The following CHRNA2 variants were observed in gnomAD, a reference collection of about 807,000 sequenced individuals.
The protein encoded by CHRNA2 is cholinergic receptor nicotinic alpha 2 subunit.
Under a neutral mutation model 45.5 loss-of-function variants are expected in CHRNA2, and 40 were observed. That is an observed-to-expected ratio of 0.88 (90% confidence interval 0.68 to 1.15). The LOEUF is 1.15. CHRNA2 is among the 50% of genes most tolerant of loss of function. CHRNA2 has a pLI of 0.00. For synonymous variants in CHRNA2, 301 were observed against 296.7 expected, an observed-to-expected ratio of 1.01 and a Z score of -0.15; for missense variants, 655 against 701.7, an observed-to-expected ratio of 0.93 and a Z score of 0.75.
In CHRNA2 at chr8:27,463,070, C is replaced by T; in HGVS notation, c.1373G>A (p.Gly458Asp). 6.2e-7 allele frequency: 1 copy of T among 1,613,020 alleles called. No individual in the cohort carries two copies. The highest frequency in any genetic ancestry group is 8.5e-7 in the Non-Finnish European group (1 of 1,179,074). Residue 458 changes from glycine to aspartate, a missense_variant, in exon 6 of 7, where the codon GGT (glycine) becomes GAT (aspartate). Gly to Asp is a moderately conservative substitution (Grantham distance 94). Around this residue, in one of 3 missense-constraint regions of CHRNA2, gnomAD observed 295 missense variants for 280.4 expected, o/e 1.05. Coordinates refer to ENST00000407991, the MANE Select transcript of CHRNA2 (RefSeq NM_000742.4). The surrounding 1 kb of genome is among the most constrained non-coding windows in gnomAD (Gnocchi z 6.1). ...CATGTGGGGTGATAGCAGCAGCTCA[C>T]CCTCCTGCAGCAGAGCCTCAGCCTT... Reference protein sequence around the residue: ...GPKAEALLQEGELLLSPHMQK... With the variant: ...GPKAEALLQEDELLLSPHMQK...
intron 4 of CHRNA2, 58 bp from the exon 5 acceptor site, chr8:27,467,396 G>A (rs1272232632): frequency 1.5e-6 from 2 of 1,361,716 alleles, no homozygotes; most frequent in African/African-American, 2.9e-5. Flanking sequence ...CTAGGGCAAA[G>A]CTAGCACACC....
intron 1 of CHRNA2, among the ~76,000 whole-genome samples, chr8:27,477,972 C>T (rs1268197771): frequency 6.6e-6 from 1 of 152,152 alleles, no homozygotes. Flanking sequence ...ATCCTGGTTC[C>T]GTGGAGGTCA....
At chr8:27,466,316 G>A (rs117531183) in intron 5 of CHRNA2, among the ~76,000 whole-genome samples, 2,041 of 152,268 alleles carry the variant, frequency 0.013, 20 homozygotes, top group Non-Finnish European at 0.02. Flanking sequence ...TTTAAAGATA[G>A]CATTTCCAAA....
chr8:27,476,418 T>C (rs1166725634), intron 1 of CHRNA2, among the ~76,000 whole-genome samples: 2 of 152,220 alleles, frequency 1.3e-5, no homozygotes, highest in African/African-American at 4.8e-5. Context: ...TCCTCGAGTC[T>C]GAATCTGCAT....
chr8:27,478,570 C>G (rs1027464738), intron 1 of CHRNA2, among the ~76,000 whole-genome samples: 1 of 152,316 alleles, frequency 6.6e-6, no homozygotes, highest in South Asian at 2.1e-4. Flanking sequence ...GGAGCAGATA[C>G]AGTGTAACAA....
chr8:27,474,237 G>A (rs542553195), intron 1 of CHRNA2, among the ~76,000 whole-genome samples: 1 of 152,174 alleles, frequency 6.6e-6, no homozygotes, highest in South Asian at 2.1e-4. Flanking sequence ...GAATTTCAAT[G>A]TGTTGGAATT....
intron 4 of CHRNA2, among the ~76,000 whole-genome samples, chr8:27,468,929 C>A (rs766873386): frequency 1.3e-5 from 2 of 152,216 alleles, no homozygotes; most frequent in African/African-American, 4.8e-5. Context: ...ATAGAAGGAG[C>A]CTGGGACTCG....
chr8:27,470,946 A>G (rs1212892592), intron 2 of CHRNA2, 40 bp downstream of exon 2: 2 of 1,598,614 alleles, frequency 1.3e-6, no homozygotes, highest in African/African-American at 1.3e-5. Flanking sequence ...GCCCACAGGC[A>G]TGAGATGAAG....
rs1812491160 is a variant in CHRNA2 at position 27,461,647 on chromosome 8, G to A, written c.1572C>T (p.Phe524=). ...LGTIGLFLPP[F]LAGMI is the part of the protein sequence containing the mutation. ...GGTGCAGTCAGATCATTCCAGCTAG[G>A]AACGGAGGCAGAAAGAGGCCGATGG... The change falls in exon 7 of 7, where the codon TTC becomes TTT. Residue 524 remains phenylalanine, a synonymous_variant. Transcript: ENST00000407991. 1 of 1,614,120 alleles carries A rather than the reference G, an allele frequency of 6.2e-7. No homozygotes were observed. Among genetic ancestry groups the A allele is most frequent in the African/African-American group, 1.3e-5 (1 of 74,934 alleles).
chr8:27,462,669 C>T (rs1426176900), intron 6 of CHRNA2, among the ~76,000 whole-genome samples: 1 of 152,198 alleles, frequency 6.6e-6, no homozygotes, highest in African/African-American at 2.4e-5. Flanking sequence ...ATGGTGGGAG[C>T]TGGCGGCGTG....
chr8:27,465,771 G>A (rs1812679701), intron 5 of CHRNA2, among the ~76,000 whole-genome samples: 1 of 152,094 alleles, frequency 6.6e-6, no homozygotes, highest in African/African-American at 2.4e-5. Context: ...CACAAACAAT[G>A]ACCACTAGAT....
At chr8:27,473,540 C>T (rs1387467706) in intron 1 of CHRNA2, among the ~76,000 whole-genome samples, 17 of 127,204 alleles carry the variant, frequency 1.3e-4, no homozygotes, top group African/African-American at 4.8e-4. Flanking sequence ...CCCGCCGTCT[C>T]TACAAAAAAT....
chr8:27,472,888 G>C (rs1339701286), intron 1 of CHRNA2, among the ~76,000 whole-genome samples: 3 of 152,148 alleles, frequency 2.0e-5, no homozygotes, highest in African/African-American at 7.2e-5. Flanking sequence ...CCTCTTGACT[G>C]TGGTGACAGT....
At chr8:27,472,934 G>C (rs1307156720) in intron 1 of CHRNA2, among the ~76,000 whole-genome samples, 3 of 152,044 alleles carry the variant, frequency 2.0e-5, no homozygotes, top group Non-Finnish European at 4.4e-5. Flanking sequence ...ATACACAAAG[G>C]GTTCTAGTGA....
Position 27,461,520 on chromosome 8 carries a change from C to T in CHRNA2, c.*109G>A, listed in dbSNP as rs534403222. 121 of 1,491,210 alleles carry T rather than the reference C, an allele frequency of 8.1e-5. 3 individuals carry two copies. The South Asian group carries it at 1.0e-3, about 13-fold the overall frequency. 92.4% of individuals were successfully genotyped at this position (1,491,210 alleles called of 1,614,324 possible). ...TCCCTGGGTCAGTGTCCAGACTCCG[C>T]GGAGAGGCACCTGCTCATCCCAAAG... On this transcript the variant is annotated 3_prime_UTR_variant, in exon 7 of 7. Transcript: ENST00000407991.
At chr8:27,471,261 A>T (rs982470004) in intron 1 of CHRNA2, 67 bp from the exon 2 acceptor site, 3 of 562,856 alleles carry the variant, frequency 5.3e-6, no homozygotes, top group African/African-American at 3.8e-5. Context: ...TCTGTTTCTC[A>T]TGCTCCACAC....
chr8:27,479,070 G>A lies in CHRNA2; in HGVS notation c.-383C>T, dbSNP rs929041108. 1 of 152,232 alleles carries A rather than the reference G, an allele frequency of 6.6e-6. No homozygotes were observed. The highest frequency in any genetic ancestry group is 1.5e-5 in the Non-Finnish European group (1 of 68,100). The allele number at this position is 152,232 out of a possible 1,614,324, so 9.4% of individuals were successfully genotyped here. On this transcript the variant is annotated 5_prime_UTR_variant, in exon 1 of 7. Coordinates refer to ENST00000407991, the MANE Select transcript of CHRNA2 (RefSeq NM_000742.4). ...ACAGCTGGGCAAGCTCTGCAGAGAG[G>A]TGGGTTTTCCTGGGGCTGTCCAGCT... is the stretch of plus-strand genomic sequence containing the variant.
intron 1 of CHRNA2, among the ~76,000 whole-genome samples, chr8:27,473,525 C>CA (rs752068891): frequency 2.1e-5 from 1 of 47,050 alleles, no homozygotes; most frequent in Non-Finnish European, 4.0e-5. Context: ...CATAGTGAGA[C>CA]CCCCCCCGCC....
intron 1 of CHRNA2, among the ~76,000 whole-genome samples, chr8:27,472,353 G>T (rs1265715131): frequency 6.6e-6 from 1 of 152,162 alleles, no homozygotes; most frequent in Admixed American, 6.5e-5. Context: ...CAGTGTTGGG[G>T]ACTGAGCCCT....
Sources: allele counts gnomAD v4.1 joint callset (sites outside exome capture counted in the v4.1 genomes callset), GRCh38; gene constraint gnomAD v4.1.1; regional missense constraint gnomAD v4.1.1; non-coding constraint Gnocchi (gnomAD v3.1); transcripts MANE v1.5; gene names NCBI Gene and HGNC (gene_info 2026-07-23, HGNC 2026-07-21).